Variants in KNL1 observed in about 807,000 individuals in gnomAD.
KNL1 encodes kinetochore scaffold 1, also known as outer kinetochore KNL1 complex subunit KNL1.
In KNL1, 66 loss-of-function variants were observed where a neutral mutation model predicts 201.3. The observed-to-expected ratio is 0.33, with a 90% CI of 0.27 to 0.40. The LOEUF (loss-of-function observed/expected upper bound fraction) is 0.40. KNL1 is among the 10% of genes least tolerant of loss of function. KNL1 has a pLI of 1.00. For missense variants in KNL1, 2,815 were observed against 2,690.5 expected (o/e 1.05, Z -1.02); for synonymous variants, 895 against 899.2 (o/e 1.00, Z 0.08).
Position 40,623,143 on chromosome 15 carries a change from T to C in KNL1, c.2879T>C (p.Val960Ala). Residue 960 changes from valine to alanine, a missense_variant, in exon 10 of 26, where the codon GTT becomes GCT. Val to Ala is a moderately conservative substitution (Grantham distance 64). Around this residue, in one of 3 missense-constraint regions of KNL1, gnomAD observed 2,464 missense variants for 2,291.7 expected, o/e 1.08. Transcript: ENST00000399668. ...CTAGAAATGACAGAGTCCCATACTG[T>C]TTTCATTGACTACCAAGAAAAGGAA... ...VELEMTESHT[V>A]FIDYQEKERT... 1.2e-6 allele frequency: 2 copies of C among 1,613,882 alleles called. No homozygotes were observed. Among genetic ancestry groups the C allele is most frequent in the East Asian group, 2.2e-5 (1 of 44,858 alleles).
intron 8 of KNL1, among the ~76,000 whole-genome samples, chr15:40,617,521 C>T (rs556089241): frequency 1.3e-5 from 2 of 152,236 alleles, no homozygotes; most frequent in Non-Finnish European, 2.9e-5. Context: ...CTCCTTATCT[C>T]GTTATGAATA....
At chr15:40,658,929 CAA>C (rs752685228) in intron 24 of KNL1, among the ~76,000 whole-genome samples, 3 of 76,448 alleles carry the variant, frequency 3.9e-5, no homozygotes, top group Non-Finnish European at 2.8e-5. Context: ...GACTCCATCT[CAA>C]AAAAAAAAAA....
chr15:40,660,664 CAAAAAA>C (rs35985022), intron 25 of KNL1, among the ~76,000 whole-genome samples: 4 of 88,814 alleles, frequency 4.5e-5, no homozygotes, highest in East Asian at 3.7e-4. Flanking sequence ...AACTCCGTCT[CAAAAAA>C]AAAAAAAAAA....
chr15:40,637,886 C>T (rs1893104175), intron 13 of KNL1, among the ~76,000 whole-genome samples: 1 of 151,424 alleles, frequency 6.6e-6, no homozygotes, highest in South Asian at 2.1e-4. Flanking sequence ...AAAAAAAATC[C>T]AAAATACTTA....
chr15:40,599,889 C>T (rs1392309393), intron 1 of KNL1, among the ~76,000 whole-genome samples: 2 of 149,872 alleles, frequency 1.3e-5, no homozygotes, highest in African/African-American at 2.5e-5. Context: ...TAGTACACTG[C>T]AGCCTGGAAC....
chr15:40,658,769 A>C (rs1210790799), intron 24 of KNL1, among the ~76,000 whole-genome samples: 1 of 150,486 alleles, frequency 6.6e-6, no homozygotes, highest in Admixed American at 6.6e-5. Context: ...ATCTCTACTG[A>C]AAATACAAAA....
chr15:40,653,945 C>A (rs1427710313), intron 21 of KNL1, among the ~76,000 whole-genome samples: 1 of 152,112 alleles, frequency 6.6e-6, no homozygotes, highest in African/African-American at 2.4e-5. Context: ...AGTTTCTCAC[C>A]CTTCTGTTGT....
rs1249564644 is a variant in KNL1 at position 40,620,865 on chromosome 15, T to A, written c.601T>A (p.Phe201Ile). 6.3e-7 allele frequency: 1 copy of A among 1,594,584 alleles called. No individual in the cohort carries two copies. Among genetic ancestry groups the A allele is most frequent in the Non-Finnish European group, 8.5e-7 (1 of 1,174,024 alleles). ...EDSRMKKEVN[F>I]SVDQNTSSEN... ...CTCAAGAATGAAAAAAGAAGTAAAT[T>A]TTTCCGTGGATCAAAACACTTCTTC... The change falls in exon 10 of 26, where the codon TTT (phenylalanine) becomes ATT (isoleucine). Residue 201 changes from phenylalanine to isoleucine, a missense_variant. Around this residue, in one of 3 missense-constraint regions of KNL1, gnomAD observed 2,464 missense variants for 2,291.7 expected, o/e 1.08. Transcript: ENST00000399668.
At chr15:40,635,677 G>A (rs1266630027) in intron 13 of KNL1, among the ~76,000 whole-genome samples, 2 of 151,984 alleles carry the variant, frequency 1.3e-5, no homozygotes, top group Non-Finnish European at 2.9e-5. Flanking sequence ...TTGAGGCAGG[G>A]GGAGAGATGT....
chr15:40,653,063 A>G (rs1417236565), intron 21 of KNL1, among the ~76,000 whole-genome samples: 2 of 152,142 alleles, frequency 1.3e-5, no homozygotes, highest in African/African-American at 4.8e-5. Flanking sequence ...TTCTTTTCTC[A>G]ATGAATAGCG....
At chr15:40,653,018 T>C (rs942600135) in intron 21 of KNL1, among the ~76,000 whole-genome samples, 2 of 152,018 alleles carry the variant, frequency 1.3e-5, no homozygotes, top group African/African-American at 4.8e-5. Flanking sequence ...ATCTTCACAA[T>C]CTCTGGGCCT....
chr15:40,601,982 C>G (rs1891811870), intron 1 of KNL1, among the ~76,000 whole-genome samples: 1 of 136,796 alleles, frequency 7.3e-6, no homozygotes, highest in African/African-American at 2.7e-5. Context: ...GCTGGGACTA[C>G]AGGTGCACGC....
chr15:40,638,439 C>T (rs1337367630), intron 13 of KNL1, among the ~76,000 whole-genome samples: 1 of 152,096 alleles, frequency 6.6e-6, no homozygotes, highest in Non-Finnish European at 1.5e-5. Context: ...CTGCCTCAAC[C>T]TCCTGGGATT....
chr15:40,661,133 G>T (rs1411620297), intron 25 of KNL1, among the ~76,000 whole-genome samples: 1 of 152,102 alleles, frequency 6.6e-6, no homozygotes, highest in Non-Finnish European at 1.5e-5. Context: ...CAGCACTTTG[G>T]GAGGCCAAGG....
chr15:40,651,339 C>A, intron 19 of KNL1, 132 bp from the exon 20 acceptor site: 2 of 401,838 alleles, frequency 5.0e-6, no homozygotes, highest in Non-Finnish European at 8.9e-6. Context: ...GAAATGGATG[C>A]CATACACCTA....
Position 40,626,672 on chromosome 15 carries a change from C to T in KNL1, c.5376+1032C>T, listed in dbSNP as rs193178636. ...TCGGCTCACTGCAACCTCCATCTCCCTGGTTCAAGTGATTGTCGTGTCTCA... is the reference window on the plus strand; with the variant it reads ...TCGGCTCACTGCAACCTCCATCTCCTTGGTTCAAGTGATTGTCGTGTCTCA... On this transcript the variant is annotated intron_variant, in intron 10 of 25. Coordinates refer to ENST00000399668, the MANE Select transcript of KNL1 (RefSeq NM_144508.5). 7.2e-5 allele frequency among the ~76,000 whole-genome samples: 11 copies of T among 151,908 alleles called. No homozygotes were observed. The East Asian group carries it at 2.1e-3, about 29-fold the overall frequency.
At chr15:40,600,052 T>TA in intron 1 of KNL1, among the ~76,000 whole-genome samples, 2 of 151,522 alleles carry the variant, frequency 1.3e-5, no homozygotes, top group Middle Eastern at 3.4e-3. Context: ...TGGATTCTTT[T>TA]TGCTGATATT....
Position 40,625,452 on chromosome 15 carries a change from A to T in KNL1, c.5188A>T (p.Asn1730Tyr). The T allele has an allele frequency of 3.1e-6, 5 of 1,613,768 alleles. No individual in the cohort carries two copies. The highest frequency in any genetic ancestry group is 4.2e-6 in the Non-Finnish European group (5 of 1,179,756). Residue 1730 changes from asparagine (N) to tyrosine (Y), a missense_variant, in exon 10 of 26, where the codon AAC becomes TAC. By Grantham distance (143) the Asn-to-Tyr change is moderately radical. This residue lies in a region of KNL1 where 2,464 missense variants were observed against 2,291.7 expected (regional missense o/e 1.08). Coordinates refer to ENST00000399668, the MANE Select transcript of KNL1 (RefSeq NM_144508.5). The part of the protein sequence containing the change: ...PDEINSSDSI[N>Y]IETEEKALIE... ...TGAGATCAATTCTTCAGACTCTATT[A>T]ACATAGAAACTGAGGAAAAGGCCTT...
intron 11 of KNL1, 27 bp from the exon 12 acceptor site, chr15:40,628,584 C>A (rs747592310): frequency 2.8e-5 from 42 of 1,484,242 alleles, no homozygotes; most frequent in Non-Finnish European, 3.7e-5. Context: ...TTGACTTGTT[C>A]GTCACCAGAA....
Sources: allele counts gnomAD v4.1 joint callset (sites outside exome capture counted in the v4.1 genomes callset), GRCh38; gene constraint gnomAD v4.1.1; regional missense constraint gnomAD v4.1.1; transcripts MANE v1.5; gene names NCBI Gene and HGNC (gene_info 2026-07-23, HGNC 2026-07-21).